Variants in NRG3 observed in about 807,000 individuals in gnomAD.
The protein encoded by NRG3 is pro-neuregulin-3, membrane-bound isoform.
Under a neutral mutation model 66.9 loss-of-function variants are expected in NRG3, and 31 were observed. That is an observed-to-expected ratio of 0.46 (90% CI 0.35 to 0.63). NRG3 has a LOEUF of 0.63. Among genes scored for constraint, NRG3 ranks in the 20% least tolerant of loss-of-function variants. The pLI, the probability that NRG3 is intolerant of heterozygous loss-of-function variation, is 0.00. For missense variants in NRG3, 910 were observed against 878.9 expected, an observed-to-expected ratio of 1.04 and a Z score of -0.45; for synonymous variants, 393 against 359.4, an observed-to-expected ratio of 1.09 and a Z score of -1.06.
At chr10:82,460,219 A>G (rs2091449918) in intron 2 of NRG3, among the ~76,000 whole-genome samples, 1 of 152,226 alleles carries the variant, frequency 6.6e-6, no homozygotes, top group South Asian at 2.1e-4. Context: ...ACATTGGGTT[A>G]TGGAAACATG....
chr10:82,404,070 A>G (rs1352147050), intron 2 of NRG3, among the ~76,000 whole-genome samples: 2 of 152,174 alleles, frequency 1.3e-5, no homozygotes, highest in Admixed American at 6.5e-5. Context: ...GAGCTCTGCC[A>G]TTCATGCTCA....
intron 1 of NRG3, among the ~76,000 whole-genome samples, chr10:82,088,991 G>T (rs560861067): frequency 6.7e-6 from 1 of 150,158 alleles, no homozygotes; most frequent in Admixed American, 6.6e-5. Flanking sequence ...CAGCAGAGAA[G>T]ATTTTTTTTT....
chr10:82,896,479 A>G (rs1271649407), intron 4 of NRG3, among the ~76,000 whole-genome samples: 1 of 152,234 alleles, frequency 6.6e-6, no homozygotes, highest in Non-Finnish European at 1.5e-5. Context: ...ATTTGTGGAT[A>G]TAGATAAATA....
chr10:82,672,005 CTCT>C (rs2053317740), intron 2 of NRG3, among the ~76,000 whole-genome samples: 1 of 152,188 alleles, frequency 6.6e-6, no homozygotes, highest in Non-Finnish European at 1.5e-5. Flanking sequence ...CGGGCCTGAA[CTCT>C]TCTGTTTTCT....
intron 1 of NRG3, among the ~76,000 whole-genome samples, chr10:81,976,830 A>G (rs1296578314): frequency 6.6e-6 from 1 of 152,140 alleles, no homozygotes; most frequent in East Asian, 1.9e-4. Flanking sequence ...GTCTATCTGG[A>G]TGCCTGTTTG....
chr10:82,062,409 C>T (rs1193298977), intron 1 of NRG3, among the ~76,000 whole-genome samples: 4 of 152,058 alleles, frequency 2.6e-5, no homozygotes, highest in African/African-American at 7.2e-5. Context: ...AGTTTGAGAG[C>T]AGCCTGGCCA....
At chr10:82,079,147 T>G (rs1356802935) in intron 1 of NRG3, among the ~76,000 whole-genome samples, 1 of 151,810 alleles carries the variant, frequency 6.6e-6, no homozygotes, top group African/African-American at 2.4e-5. Flanking sequence ...CGGGTTCAAG[T>G]GATTCTTCTG....
At chr10:82,141,011 A>T (rs1463959107) in intron 1 of NRG3, among the ~76,000 whole-genome samples, 1 of 152,116 alleles carries the variant, frequency 6.6e-6, no homozygotes, top group Non-Finnish European at 1.5e-5. Flanking sequence ...ATATATGTTT[A>T]TGTGTGTGTA....
At chr10:82,770,876 T>TC (rs1327103659) in intron 3 of NRG3, among the ~76,000 whole-genome samples, 1 of 152,002 alleles carries the variant, frequency 6.6e-6, no homozygotes, top group African/African-American at 2.4e-5. Context: ...AATTCGGGTC[T>TC]CCCCTGGGGA....
At chr10:82,318,900 A>G (rs1287770886) in intron 1 of NRG3, among the ~76,000 whole-genome samples, 3 of 152,230 alleles carry the variant, frequency 2.0e-5, no homozygotes, top group Admixed American at 6.5e-5. Flanking sequence ...AAATTCACCC[A>G]GCAACCACAT....
intron 1 of NRG3, among the ~76,000 whole-genome samples, chr10:82,023,342 C>G (rs999077243): frequency 2.0e-5 from 3 of 151,830 alleles, no homozygotes; most frequent in African/African-American, 7.3e-5. Context: ...TTTGGGTGTC[C>G]TTTATTTCTT....
chr10:81,919,052 G>A (rs1845997918), intron 1 of NRG3, among the ~76,000 whole-genome samples: 1 of 151,538 alleles, frequency 6.6e-6, no homozygotes, highest in South Asian at 2.1e-4. Flanking sequence ...TAGCCCTCCT[G>A]TTTCCATTGT....
intron 1 of NRG3, among the ~76,000 whole-genome samples, chr10:82,054,417 A>G (rs1436441222): frequency 6.6e-6 from 1 of 152,196 alleles, no homozygotes; most frequent in Admixed American, 6.5e-5. Flanking sequence ...GACTTTGTGC[A>G]TAAAAGACTA....
intron 1 of NRG3, among the ~76,000 whole-genome samples, chr10:82,056,871 A>G (rs2063869973): frequency 6.6e-6 from 1 of 152,024 alleles, no homozygotes; most frequent in Non-Finnish European, 1.5e-5. Flanking sequence ...TTTATTGTGG[A>G]TGACTTTTTT....
chr10:82,743,311 A>G (rs1426339764), intron 3 of NRG3, among the ~76,000 whole-genome samples: 1 of 152,082 alleles, frequency 6.6e-6, no homozygotes, highest in Admixed American at 6.6e-5. Context: ...GTTTCTTTGC[A>G]TCTTAGAAAC....
At chr10:81,914,537 AG>A (rs1239570725) in intron 1 of NRG3, among the ~76,000 whole-genome samples, 1 of 152,074 alleles carries the variant, frequency 6.6e-6, no homozygotes. Flanking sequence ...GTTCGAGACC[AG>A]CCTGGGCAAC....
At position 81,952,104 on chromosome 10, in the gene NRG3, G is replaced by T. The variant is rs185508281; in HGVS notation, c.823+75941G>T. On this transcript the variant is annotated intron_variant, in intron 1 of 8. Coordinates refer to ENST00000372141, the MANE Select transcript of NRG3 (RefSeq NM_001010848.4). ...CGGGGCCTGTTGTGGGGTGGGGGAA[G>T]GGGGGAGGGATAGCATTAGGAGATA... 9.2e-5 allele frequency among the ~76,000 whole-genome samples: 14 copies of T among 152,160 alleles called. No individual in the cohort carries two copies. The East Asian group carries it at 2.7e-3, about 30-fold the overall frequency.
At chr10:82,163,538 G>A (rs998631030) in intron 1 of NRG3, among the ~76,000 whole-genome samples, 6 of 152,168 alleles carry the variant, frequency 3.9e-5, no homozygotes, top group African/African-American at 1.4e-4. Context: ...ACATCAGTAG[G>A]TGAATGAGAC....
intron 1 of NRG3, among the ~76,000 whole-genome samples, chr10:82,197,876 A>G (rs1045595780): frequency 2.0e-5 from 3 of 152,174 alleles, no homozygotes; most frequent in Non-Finnish European, 4.4e-5. Context: ...ATTGTAAACC[A>G]AATAGAAGCA....
Sources: gnomAD v4.1 joint callset for allele counts (sites outside exome capture counted in the v4.1 genomes callset) on GRCh38, gnomAD v4.1.1 for gene constraint, MANE v1.5 for transcripts, NCBI Gene and HGNC (gene_info 2026-07-23, HGNC 2026-07-21) for gene names.